The following KLHL8 variants were observed in gnomAD, a reference collection of about 807,000 sequenced individuals.
KLHL8 encodes kelch-like protein 8.
A neutral mutation model predicts 63.5 loss-of-function variants in KLHL8; 38 were observed. The ratio of observed to expected loss-of-function variants is 0.60; its 90% CI spans 0.46 to 0.78. The LOEUF is 0.78. Ranked by LOEUF, KLHL8 falls within the 30% of genes least tolerant of loss-of-function variation. The probability of loss-of-function intolerance (pLI) is 0.00; values close to 1 mark genes in which losing one functional copy is unlikely to be tolerated. For missense variants in KLHL8, 566 were observed against 752.4 expected (o/e 0.75, Z 2.90); for synonymous variants, 224 against 254.3 (o/e 0.88, Z 1.13).
intron 6 of KLHL8, among the ~76,000 whole-genome samples, chr4:87,174,287 T>C (rs1730735626): frequency 1.3e-5 from 2 of 152,072 alleles, no homozygotes; most frequent in Non-Finnish European, 2.9e-5. Flanking sequence ...CTGCAAGTTT[T>C]TTTTTTTTGA....
At chr4:87,237,608 G>T (rs1733254372) in intron 1 of KLHL8, among the ~76,000 whole-genome samples, 1 of 152,120 alleles carries the variant, frequency 6.6e-6, no homozygotes, top group South Asian at 2.1e-4. Context: ...CAGGCAGATT[G>T]CACGAGCCCA....
chr4:87,205,415 ACAC>A (rs1381225786), intron 1 of KLHL8, among the ~76,000 whole-genome samples: 18 of 7,376 alleles, frequency 2.4e-3, no homozygotes, highest in African/African-American at 9.2e-3. Context: ...TCAAGAAAAC[ACAC>A]ACACACACAC....
chr4:87,214,150 C>G (rs1732502188), intron 1 of KLHL8, among the ~76,000 whole-genome samples: 1 of 150,788 alleles, frequency 6.6e-6, no homozygotes, highest in African/African-American at 2.4e-5. Flanking sequence ...TTATAATGCT[C>G]TACATGAGAT....
At chr4:87,183,551 G>A (rs1731135659) in intron 3 of KLHL8, among the ~76,000 whole-genome samples, 162 bp from the exon 4 acceptor site, 2 of 152,144 alleles carry the variant, frequency 1.3e-5, no homozygotes, top group African/African-American at 4.8e-5. Context: ...TTCATGAAAT[G>A]TAACATGTTC....
intron 6 of KLHL8, among the ~76,000 whole-genome samples, chr4:87,171,758 G>A (rs1044961850): frequency 3.3e-5 from 5 of 152,192 alleles, no homozygotes; most frequent in African/African-American, 1.2e-4. Context: ...CTACGTCTCT[G>A]GCTAGTGCTT....
intron 3 of KLHL8, among the ~76,000 whole-genome samples, chr4:87,184,667 C>G (rs904423469): frequency 6.6e-6 from 1 of 151,078 alleles, no homozygotes; most frequent in Admixed American, 6.6e-5. Context: ...AGGAAGACGA[C>G]AAAAGAAAAA....
rs1246480575 is a variant in KLHL8 at position 87,162,240 on chromosome 4, T to G, written c.*1279A>C. Reference sequence around the variant, plus strand: ...GCAAATACAAAATAAAATATTTTCATGTTCTTGATAAATATTTATAAAAAA... The same window carrying G: ...GCAAATACAAAATAAAATATTTTCAGGTTCTTGATAAATATTTATAAAAAA... On this transcript the variant is annotated 3_prime_UTR_variant, in exon 10 of 10. Coordinates refer to ENST00000273963, the MANE Select transcript of KLHL8 (RefSeq NM_020803.5). 1.3e-5 allele frequency: 2 copies of G among 152,206 alleles called. No homozygotes were observed. Among genetic ancestry groups the G allele is most frequent in the African/African-American group, 4.8e-5 (2 of 41,466 alleles). The allele number at this position is 152,206 out of a possible 1,614,324, so 9.4% of individuals were successfully genotyped here.
chr4:87,174,694 T>C (rs1011298045), intron 6 of KLHL8, among the ~76,000 whole-genome samples: 1 of 152,262 alleles, frequency 6.6e-6, no homozygotes. Context: ...AGAATTATTC[T>C]AGTATCTAGT....
At chr4:87,231,259 T>C (rs1298289717) in intron 1 of KLHL8, among the ~76,000 whole-genome samples, 1 of 152,190 alleles carries the variant, frequency 6.6e-6, no homozygotes, top group Non-Finnish European at 1.5e-5. Context: ...GTACCCTTCA[T>C]TGACTTTCTT....
rs1730248106 is a variant in KLHL8 at position 87,163,305 on chromosome 4, A to G, written c.*214T>C. 4 of 407,718 alleles carry G rather than the reference A, an allele frequency of 9.8e-6. No individual in the cohort carries two copies. In the South Asian group the frequency reaches 2.0e-4, roughly 21 times the overall value. 25.3% of individuals were successfully genotyped at this position (407,718 alleles called of 1,614,324 possible). ...GTTCGACTATCTTCTTCCCTACTCC[A>G]TTATTTGCAAAAGCAGGAAGTATCA... On this transcript the variant is annotated 3_prime_UTR_variant, in exon 10 of 10. Coordinates refer to ENST00000273963, the MANE Select transcript of KLHL8 (RefSeq NM_020803.5).
At chr4:87,236,663 CTTTTTTT>C (rs34454982) in intron 1 of KLHL8, among the ~76,000 whole-genome samples, 2 of 110,422 alleles carry the variant, frequency 1.8e-5, no homozygotes, top group Admixed American at 9.8e-5. Flanking sequence ...TGTACTGTGT[CTTTTTTT>C]TTTTTTTTTT....
At chr4:87,184,804 A>G (rs972988583) in intron 3 of KLHL8, among the ~76,000 whole-genome samples, 12 of 152,184 alleles carry the variant, frequency 7.9e-5, no homozygotes, top group African/African-American at 2.7e-4. Context: ...AGAAGAAAAT[A>G]GAAGTGATGT....
chr4:87,180,503 T>C (rs1731009037), intron 4 of KLHL8, among the ~76,000 whole-genome samples: 1 of 152,248 alleles, frequency 6.6e-6, no homozygotes, highest in Admixed American at 6.5e-5. Flanking sequence ...CTTATGAAGA[T>C]ATAAAAGTAC....
chr4:87,193,591 AAGTAG>A (rs1270172568), intron 2 of KLHL8, among the ~76,000 whole-genome samples: 46 of 152,326 alleles, frequency 3.0e-4, no homozygotes, highest in African/African-American at 8.9e-4. Context: ...AAACAATAAG[AAGTAG>A]AGTAAATACA....
At chr4:87,236,745 A>G (rs1177227321) in intron 1 of KLHL8, among the ~76,000 whole-genome samples, 2 of 146,554 alleles carry the variant, frequency 1.4e-5, no homozygotes, top group African/African-American at 5.2e-5. Context: ...GCTCACTGCA[A>G]ACTCTACCTC....
intron 6 of KLHL8, among the ~76,000 whole-genome samples, chr4:87,171,552 G>A (rs1223595714): frequency 6.6e-6 from 1 of 152,158 alleles, no homozygotes; most frequent in East Asian, 1.9e-4. Flanking sequence ...ATACTGTGCT[G>A]ATAAAAATGT....
chr4:87,237,141 T>C (rs1261943886), intron 1 of KLHL8, among the ~76,000 whole-genome samples: 2 of 152,166 alleles, frequency 1.3e-5, no homozygotes, highest in African/African-American at 2.4e-5. Flanking sequence ...TCCCAGTCAC[T>C]GTGTCAGGCC....
intron 1 of KLHL8, among the ~76,000 whole-genome samples, chr4:87,210,149 C>T (rs1053015024): frequency 1.6e-4 from 25 of 151,852 alleles, no homozygotes; most frequent in African/African-American, 5.8e-4. Flanking sequence ...TGAGCCACTA[C>T]GCCCAGCCCC....
intron 1 of KLHL8, among the ~76,000 whole-genome samples, chr4:87,237,182 C>T (rs865773820): frequency 4.6e-5 from 7 of 152,224 alleles, no homozygotes; most frequent in South Asian, 2.1e-4. Flanking sequence ...TCCCAGAACT[C>T]CCAATCCAAC....
Sources: gnomAD v4.1 joint callset for allele counts (sites outside exome capture counted in the v4.1 genomes callset) on GRCh38, gnomAD v4.1.1 for gene constraint, MANE v1.5 for transcripts, NCBI Gene and HGNC (gene_info 2026-07-23, HGNC 2026-07-21) for gene names.